The following TNRC6B variants were observed in gnomAD, a reference collection of about 807,000 sequenced individuals.
TNRC6B encodes the protein trinucleotide repeat-containing gene 6B protein.
TNRC6B carries 52 observed loss-of-function variants against 203.6 expected under a neutral mutation model. That is an observed-to-expected ratio of 0.26 (90% CI 0.20 to 0.32). The LOEUF (loss-of-function observed/expected upper bound fraction) is 0.32, where lower values mean the gene tolerates loss of function less well. Ranked by LOEUF, TNRC6B falls within the 10% of genes least tolerant of loss-of-function variation. TNRC6B has a pLI of 1.00. For synonymous variants in TNRC6B, 838 were observed against 845.7 expected (o/e 0.99, Z 0.16); for missense variants, 1,923 against 2,286.2 (o/e 0.84, Z 3.24).
At chr22:40,109,714 A>G (rs1354064531) in intron 1 of TNRC6B, among the ~76,000 whole-genome samples, 37 of 152,234 alleles carry the variant, frequency 2.4e-4, no homozygotes, top group Non-Finnish European at 1.5e-5. Flanking sequence ...GGGTTTGAGA[A>G]TCACCTGCTT....
chr22:40,070,183 G>A (rs909252611), intron 1 of TNRC6B, among the ~76,000 whole-genome samples: 7 of 152,112 alleles, frequency 4.6e-5, no homozygotes, highest in Middle Eastern at 3.4e-3. Context: ...GTGTGCCTTT[G>A]TCATTTATTC....
intron 5 of TNRC6B, among the ~76,000 whole-genome samples, chr22:40,268,682 C>T (rs1270183528): frequency 4.0e-5 from 6 of 151,896 alleles, no homozygotes; most frequent in African/African-American, 7.3e-5. Flanking sequence ...GAGGCCGAGG[C>T]GGACAGATCA....
intron 1 of TNRC6B, among the ~76,000 whole-genome samples, chr22:40,232,027 G>A (rs1037100457): frequency 1.3e-5 from 2 of 152,202 alleles, no homozygotes; most frequent in African/African-American, 4.8e-5. Flanking sequence ...CTGAAGTGCA[G>A]GGAAGATCAG....
At chr22:40,047,784 G>A (rs2067703973) in intron 1 of TNRC6B, among the ~76,000 whole-genome samples, 1 of 152,158 alleles carries the variant, frequency 6.6e-6, no homozygotes, top group Non-Finnish European at 1.5e-5. Context: ...CCAGTCCCGG[G>A]CTATTGTGTA....
At position 40,329,315 on chromosome 22, in the gene TNRC6B, GAAT is replaced by G. The variant is rs1280888389; in HGVS notation, c.*6076_*6078del. ...GACATTGTCATTCTGTAAGAAAACA[GAAT>G]ATTATCTAGATTTCCAGAGTTAGTG... On this transcript the variant is annotated 3_prime_UTR_variant, in exon 23 of 23. Coordinates refer to ENST00000454349, the MANE Select transcript of TNRC6B (RefSeq NM_001162501.2). 6.6e-6 allele frequency: 1 copy of G among 152,202 alleles called. No individual in the cohort carries two copies. The highest frequency in any genetic ancestry group is 1.5e-5 in the Non-Finnish European group (1 of 68,040). 9.4% of individuals were successfully genotyped at this position (152,202 alleles called of 1,614,324 possible).
intron 12 of TNRC6B, among the ~76,000 whole-genome samples, chr22:40,295,969 T>C (rs1162603383): frequency 2.0e-5 from 3 of 152,134 alleles, no homozygotes; most frequent in Non-Finnish European, 4.4e-5. Flanking sequence ...CTGTCTGTGA[T>C]TTTTGAGGAG....
chr22:40,318,120 C>T (rs1431481209), intron 21 of TNRC6B, among the ~76,000 whole-genome samples: 1 of 152,042 alleles, frequency 6.6e-6, no homozygotes, highest in Non-Finnish European at 1.5e-5. Flanking sequence ...ATACATTTGC[C>T]CATTTGTAGG....
Position 40,330,417 on chromosome 22 carries a change from C to T in TNRC6B, c.*7176C>T, listed in dbSNP as rs975388937. 6.6e-6 allele frequency: 1 copy of T among 152,142 alleles called. No homozygotes were observed. The highest frequency in any genetic ancestry group is 2.4e-5 in the African/African-American group (1 of 41,412). 9.4% of individuals were successfully genotyped at this position (152,142 alleles called of 1,614,324 possible). On this transcript the variant is annotated 3_prime_UTR_variant, in exon 23 of 23. Transcript: ENST00000454349. ...GTTGACTGGAGGCAAAGTGGAGTGG[C>T]CTTATTGCCAGGACTAGCCCTACAG... is the stretch of plus-strand genomic sequence containing the variant.
rs2071364494 is a variant in TNRC6B, at chr22:40,323,416, C to CTTA, written c.*177_*179dup. ...ACTGTCTGAGCACATAGTTGCCTCCCTTATAACTTCAGTTTTTTCGTTTGG... is the reference window on the plus strand; with the variant it reads ...ACTGTCTGAGCACATAGTTGCCTCCCTTATTATAACTTCAGTTTTTTCGTTTGG... On this transcript the variant is annotated 3_prime_UTR_variant, in exon 23 of 23. Coordinates refer to ENST00000454349, the MANE Select transcript of TNRC6B (RefSeq NM_001162501.2). 2.9e-6 allele frequency: 2 copies of CTTA among 692,534 alleles called. No individual in the cohort carries two copies. Among genetic ancestry groups the CTTA allele is most frequent in the East Asian group, 6.2e-5 (2 of 32,354 alleles). 42.9% of individuals were successfully genotyped at this position (692,534 alleles called of 1,614,324 possible).
rs146140465 is a variant in TNRC6B at position 40,286,847 on chromosome 22, A to G, written c.3708+1077A>G. Reference sequence around the variant, plus strand: ...GCGTGAGGATAGAGTAATAGCTGATAAGCTCATGCAAGGATTCAGTGTGTG... The same window carrying G: ...GCGTGAGGATAGAGTAATAGCTGATGAGCTCATGCAAGGATTCAGTGTGTG... On this transcript the variant is annotated intron_variant, in intron 12 of 22. Transcript: ENST00000454349. 2.8e-3 allele frequency among the ~76,000 whole-genome samples: 420 copies of G among 152,292 alleles called. 5 individuals are homozygous for G. Among genetic ancestry groups the G allele is most frequent in the Admixed American group, 8.5e-3 (130 of 15,292 alleles).
chr22:40,180,777 A>G (rs1464596239), intron 1 of TNRC6B, among the ~76,000 whole-genome samples: 1 of 152,252 alleles, frequency 6.6e-6, no homozygotes, highest in Non-Finnish European at 1.5e-5. Flanking sequence ...TATGAAGAGC[A>G]ATATCCAGGG....
intron 11 of TNRC6B, 131 bp downstream of exon 11, chr22:40,281,420 T>A: frequency 1.4e-6 from 1 of 702,082 alleles, no homozygotes; most frequent in Non-Finnish European, 2.1e-6. Flanking sequence ...ATATTAAGTG[T>A]AGGTTCTAGA....
chr22:40,097,673 C>CAT (rs1289884464), intron 1 of TNRC6B, among the ~76,000 whole-genome samples: 3 of 67,466 alleles, frequency 4.4e-5, no homozygotes, highest in Non-Finnish European at 9.0e-5. Context: ...ATATCATACA[C>CAT]ACACACACAC....
At chr22:40,223,235 T>A (rs138033) in intron 1 of TNRC6B, among the ~76,000 whole-genome samples, 1 of 152,112 alleles carries the variant, frequency 6.6e-6, no homozygotes, top group East Asian at 1.9e-4. Flanking sequence ...CTGCCTCCTG[T>A]GTTCAAGCAA....
At chr22:40,197,876 C>T (rs917473751) in intron 1 of TNRC6B, among the ~76,000 whole-genome samples, 5 of 151,830 alleles carry the variant, frequency 3.3e-5, no homozygotes, top group East Asian at 3.9e-4. Context: ...CCTCCCAAAG[C>T]GCTGGGATTA....
chr22:40,112,078 C>T (rs367652737), intron 1 of TNRC6B, among the ~76,000 whole-genome samples: 1 of 152,022 alleles, frequency 6.6e-6, no homozygotes, highest in East Asian at 1.9e-4. Flanking sequence ...CCAGCCTGGG[C>T]AACAGAGTGA....
intron 1 of TNRC6B, among the ~76,000 whole-genome samples, chr22:40,057,342 G>A (rs1156517660): frequency 6.9e-6 from 1 of 144,188 alleles, no homozygotes; most frequent in African/African-American, 2.6e-5. Context: ...TGCCCAGGCT[G>A]GAGTACAATG....
At chr22:40,111,955 G>A (rs1056917033) in intron 1 of TNRC6B, among the ~76,000 whole-genome samples, 1 of 152,190 alleles carries the variant, frequency 6.6e-6, no homozygotes, top group Non-Finnish European at 1.5e-5. Flanking sequence ...ACAAAAATTA[G>A]CTGAGTGCGG....
At chr22:40,237,036 A>C (rs998081987) in intron 1 of TNRC6B, among the ~76,000 whole-genome samples, 2 of 152,144 alleles carry the variant, frequency 1.3e-5, no homozygotes, top group Non-Finnish European at 2.9e-5. Flanking sequence ...GTGGTGGTGC[A>C]TGCCTGTAAT....
Sources: gnomAD v4.1 joint callset for allele counts (sites outside exome capture counted in the v4.1 genomes callset) on GRCh38, gnomAD v4.1.1 for gene constraint, MANE v1.5 for transcripts, NCBI Gene and HGNC (gene_info 2026-07-23, HGNC 2026-07-21) for gene names.